PCDHGA11: variants seen among roughly 807,000 people sequenced by gnomAD.
PCDHGA11 encodes the protein protocadherin gamma-A11.
PCDHGA11 carries 39 observed loss-of-function variants against 60.4 expected under a neutral mutation model. The observed-to-expected ratio is 0.65, with a 90% confidence interval of 0.50 to 0.84. The LOEUF (loss-of-function observed/expected upper bound fraction) is 0.84, where lower values mean the gene tolerates loss of function less well. PCDHGA11 is among the 40% of genes least tolerant of loss of function. The pLI, the probability that PCDHGA11 is intolerant of heterozygous loss-of-function variation, is 0.00. For synonymous variants in PCDHGA11, 533 were observed against 510.3 expected (o/e 1.04, Z -0.60); for missense variants, 1,165 against 1,197.7 (o/e 0.97, Z 0.40).
In PCDHGA11 at chr5:141,478,818, C is replaced by T. The variant is rs980032138; in HGVS notation, c.2434-15989C>T. ...AGCACTCTTTTGCTATCACAACTAA[C>T]CAATCTTGCTAAGGGATGGTTAAGC... On this transcript the variant is annotated intron_variant, in intron 1 of 3. Transcript: ENST00000398587. The T allele has an allele frequency of 2.1e-5, 30 of 1,449,330 alleles. No individual in the cohort carries two copies. The African/African-American group carries it at 3.3e-4, about 16-fold the overall frequency. 89.8% of individuals were successfully genotyped at this position (1,449,330 alleles called of 1,614,324 possible). A position where few individuals can be genotyped will look rare whatever the true frequency, so the allele number is the denominator to read the frequency against.
At chr5:141,447,837 G>A (rs952923627) in intron 1 of PCDHGA11, among the ~76,000 whole-genome samples, 10 of 152,170 alleles carry the variant, frequency 6.6e-5, no homozygotes, top group African/African-American at 2.4e-4. Flanking sequence ...TGTAATCCCA[G>A]TGCTTTGGGA....
At chr5:141,429,945 T>C (rs1443623730) in intron 1 of PCDHGA11, among the ~76,000 whole-genome samples, 1 of 152,222 alleles carries the variant, frequency 6.6e-6, no homozygotes, top group East Asian at 1.9e-4. Flanking sequence ...ACTTCCATTA[T>C]TTCCAGTCAA....
Position 141,489,830 on chromosome 5 carries a change from A to C in PCDHGA11, c.2434-4977A>C. On this transcript the variant is annotated intron_variant, in intron 1 of 3. Transcript: ENST00000398587. The surrounding 1 kb of genome is among the most constrained non-coding windows in gnomAD (Gnocchi z 4.5). ...AAGCCATTCCCAGAGCTGGTGCTAG[A>C]GCAGCAGCTGGATCGTGAAGCCCAG... 1 of 1,614,200 alleles carries C rather than the reference A, an allele frequency of 6.2e-7. No homozygotes were observed. Among genetic ancestry groups the C allele is most frequent in the Non-Finnish European group, 8.5e-7 (1 of 1,180,010 alleles).
rs770264100 is a variant in PCDHGA11, at chr5:141,423,251, ACCTCGGCAG to A, written c.2030_2038del (p.Gly677_Leu679del). ...GACAGCATCCCCGAAGTCCTGGCGG[ACCTCGGCAG>A]CCTCGAGTCTCTGGCTAACTCTGAA... On this transcript the variant is annotated inframe_deletion, in exon 1 of 4. Transcript: ENST00000398587. The A allele has an allele frequency of 1.9e-6, 3 of 1,613,726 alleles. No homozygotes were observed. Among genetic ancestry groups the A allele is most frequent in the African/African-American group, 2.7e-5 (2 of 74,900 alleles).
intron 2 of PCDHGA11, among the ~76,000 whole-genome samples, chr5:141,496,411 CT>C (rs1266082660): frequency 6.6e-6 from 1 of 152,190 alleles, no homozygotes; most frequent in African/African-American, 2.4e-5. Context: ...TGGTTGAGTA[CT>C]TGCTGTCCAC....
intron 1 of PCDHGA11, among the ~76,000 whole-genome samples, chr5:141,467,017 C>T (rs1036255706): frequency 4.0e-5 from 6 of 151,156 alleles, no homozygotes; most frequent in African/African-American, 1.5e-4. Context: ...AATTTTTTTC[C>T]CTTTGTTTTT....
At chr5:141,488,208 C>T (rs2099672939) in intron 1 of PCDHGA11, among the ~76,000 whole-genome samples, 1 of 152,152 alleles carries the variant, frequency 6.6e-6, no homozygotes, top group African/African-American at 2.4e-5. Flanking sequence ...GGACTCATAT[C>T]AAGTCCCTAC....
chr5:141,451,330 T>C (rs1335156581), intron 1 of PCDHGA11, among the ~76,000 whole-genome samples: 2 of 152,200 alleles, frequency 1.3e-5, no homozygotes, highest in East Asian at 1.9e-4. Context: ...CCTAAGGCTA[T>C]TGTCTTATCT....
intron 3 of PCDHGA11, chr5:141,507,010 G>A (rs371780810): frequency 1.3e-5 from 2 of 152,324 alleles, no homozygotes; most frequent in East Asian, 1.9e-4. Flanking sequence ...TGAGAGAACC[G>A]AGAAGGCACT....
chr5:141,485,949 T>C lies in PCDHGA11; in HGVS notation c.2434-8858T>C. Reference sequence around the variant, plus strand: ...GTGTTGGAGAGCGCACCAGCGGGCATGGTGCTCATCCAGCTCAATGCCTCA... The same window carrying C: ...GTGTTGGAGAGCGCACCAGCGGGCACGGTGCTCATCCAGCTCAATGCCTCA... On this transcript the variant is annotated intron_variant, in intron 1 of 3. Transcript: ENST00000398587. This position sits in a 1 kb window ranked among gnomAD's most constrained non-coding sequence, Gnocchi z 5.7. 2 of 1,614,178 alleles carry C rather than the reference T, an allele frequency of 1.2e-6. No individual in the cohort carries two copies.
At position 141,421,760 on chromosome 5, in the gene PCDHGA11, A is replaced by G; in HGVS notation, c.533A>G (p.Tyr178Cys). 6.2e-7 allele frequency: 1 copy of G among 1,613,868 alleles called. No individual in the cohort carries two copies. The highest frequency in any genetic ancestry group is 1.1e-5 in the South Asian group (1 of 91,076). ...LQSYQLSPNN[Y>C]FSLQLRGRTD... ...AGCTACCAGCTCAGCCCTAATAATT[A>G]CTTTTCCTTGCAACTGCGGGGCAGA... The change falls in exon 1 of 4, where the codon TAC becomes TGC. Residue 178 changes from tyrosine (Y) to cysteine (C), a missense_variant. Transcript: ENST00000398587.
intron 1 of PCDHGA11, chr5:141,430,735 A>T (rs1255723102): frequency 6.7e-7 from 1 of 1,497,964 alleles, no homozygotes; most frequent in Non-Finnish European, 8.9e-7. Context: ...GGCAGAATTG[A>T]AAATAATTCT....
intron 1 of PCDHGA11, among the ~76,000 whole-genome samples, chr5:141,469,045 G>C (rs35157158): frequency 1.4e-3 from 207 of 152,234 alleles, no homozygotes; most frequent in Middle Eastern, 0.01. Flanking sequence ...GGGAGGCCAA[G>C]GTGGGAGGAT....
At chr5:141,475,889 T>C in intron 1 of PCDHGA11, 1 of 562,248 alleles carries the variant, frequency 1.8e-6, no homozygotes, top group Non-Finnish European at 3.1e-6. Context: ...GCTGGGACTC[T>C]GTGTGCCGCT....
rs780664832 is a variant in PCDHGA11 at position 141,422,982 on chromosome 5, T to C, written c.1755T>C (p.Pro585=). Residue 585 remains proline, a synonymous_variant, in exon 1 of 4, where the codon CCT becomes CCC. Coordinates refer to ENST00000398587, the MANE Select transcript of PCDHGA11 (RefSeq NM_018914.3). ...AGCTGGCGCCCCGCTCTGCGGAACC[T>C]GGCTACCTGGTGACCAAGGTGGTTG... ...GVELAPRSAE[P]GYLVTKVVAV... 2.5e-6 allele frequency: 4 copies of C among 1,614,206 alleles called. No individual in the cohort carries two copies. The South Asian group carries it at 4.4e-5, about 18-fold the overall frequency.
intron 1 of PCDHGA11, chr5:141,478,860 A>C: frequency 1.9e-5 from 25 of 1,331,544 alleles, no homozygotes; most frequent in Middle Eastern, 2.6e-4. Context: ...ACAAGATCTC[A>C]GCGATCAGAG....
At chr5:141,478,074 A>G in intron 1 of PCDHGA11, 1 of 1,614,090 alleles carries the variant, frequency 6.2e-7, no homozygotes, top group Non-Finnish European at 8.5e-7. Context: ...GACAATGGGG[A>G]GCCTTCGCTC....
Position 141,491,665 on chromosome 5 carries a change from C to T in PCDHGA11, c.2434-3142C>T, listed in dbSNP as rs749918160. 6.2e-7 allele frequency: 1 copy of T among 1,613,764 alleles called. No homozygotes were observed. The highest frequency in any genetic ancestry group is 8.5e-7 in the Non-Finnish European group (1 of 1,180,000). On this transcript the variant is annotated intron_variant, in intron 1 of 3. Transcript: ENST00000398587. The surrounding 1 kb of genome is among the most constrained non-coding windows in gnomAD (Gnocchi z 6.9). ...TCTGGCGCTGGAGCCTGACGCCATCCGGTCCCGCTCTAATACGCTGCGGGA... is the reference window on the plus strand; with the variant it reads ...TCTGGCGCTGGAGCCTGACGCCATCTGGTCCCGCTCTAATACGCTGCGGGA...
In PCDHGA11 at chr5:141,491,354, C is replaced by T. The variant is rs2099710960; in HGVS notation, c.2434-3453C>T. The T allele has an allele frequency of 6.2e-7, 1 of 1,614,166 alleles. No homozygotes were observed. Among genetic ancestry groups the T allele is most frequent in the South Asian group, 1.1e-5 (1 of 91,088 alleles). On this transcript the variant is annotated intron_variant, in intron 1 of 3. Coordinates refer to ENST00000398587, the MANE Select transcript of PCDHGA11 (RefSeq NM_018914.3). This position sits in a 1 kb window ranked among gnomAD's most constrained non-coding sequence, Gnocchi z 6.9. ...GCTCTAGCGACCGTCAGTCTCTTAT[C>T]CCTAGTCACCTTCACCTTTCTGTCA...
Sources: allele counts gnomAD v4.1 joint callset (sites outside exome capture counted in the v4.1 genomes callset), GRCh38; gene constraint gnomAD v4.1.1; non-coding constraint Gnocchi (gnomAD v3.1); transcripts MANE v1.5; gene names NCBI Gene and HGNC (gene_info 2026-07-23, HGNC 2026-07-21).